The following MARCHF11 variants were observed in gnomAD, a reference collection of about 807,000 sequenced individuals.
The protein encoded by MARCHF11 is membrane associated ring-CH-type finger 11.
In MARCHF11, 29 loss-of-function variants were observed where a neutral mutation model predicts 37.3. That is an observed-to-expected ratio of 0.78 (90% CI 0.58 to 1.06). The LOEUF (loss-of-function observed/expected upper bound fraction) is 1.06. Ranked by LOEUF, MARCHF11 falls within the 50% of genes least tolerant of loss-of-function variation. The pLI, the probability that MARCHF11 is intolerant of heterozygous loss-of-function variation, is 0.00. For missense variants in MARCHF11, 482 were observed against 533.4 expected, an observed-to-expected ratio of 0.90 and a Z score of 0.95; for synonymous variants, 233 against 228.0, an observed-to-expected ratio of 1.02 and a Z score of -0.20.
At chr5:16,087,347 A>T (rs1736716333) in intron 3 of MARCHF11, among the ~76,000 whole-genome samples, 1 of 152,170 alleles carries the variant, frequency 6.6e-6, no homozygotes, top group African/African-American at 2.4e-5. Flanking sequence ...TCTCAAACTC[A>T]TTTTCACTTT....
chr5:16,148,024 C>T (rs1737827002), intron 2 of MARCHF11, among the ~76,000 whole-genome samples: 1 of 152,106 alleles, frequency 6.6e-6, no homozygotes, highest in Non-Finnish European at 1.5e-5. Flanking sequence ...GACACCAACA[C>T]ATCATGGGGG....
At chr5:16,083,652 A>C (rs112878150) in intron 3 of MARCHF11, among the ~76,000 whole-genome samples, 5,603 of 152,274 alleles carry the variant, frequency 0.037, 320 homozygotes, top group African/African-American at 0.12. Context: ...TTAACCTAAA[A>C]TAATTTAAGA....
At chr5:16,076,187 T>C (rs1321245388) in intron 3 of MARCHF11, among the ~76,000 whole-genome samples, 1 of 152,228 alleles carries the variant, frequency 6.6e-6, no homozygotes, top group Non-Finnish European at 1.5e-5. Context: ...TCCTGATCTT[T>C]TAATTAGTAA....
At chr5:16,110,145 GA>G (rs1284502458) in intron 2 of MARCHF11, among the ~76,000 whole-genome samples, 4 of 152,148 alleles carry the variant, frequency 2.6e-5, no homozygotes, top group African/African-American at 9.7e-5. Context: ...ACATACAAGT[GA>G]AGTCTCATTT....
chr5:16,072,735 G>C (rs1255110831), intron 3 of MARCHF11, among the ~76,000 whole-genome samples: 1 of 152,080 alleles, frequency 6.6e-6, no homozygotes, highest in Non-Finnish European at 1.5e-5. Context: ...ACTCCTTTGT[G>C]GTTTCATCAG....
At position 16,071,835 on chromosome 5, in the gene MARCHF11, G is replaced by C. The variant is rs79814816; in HGVS notation, c.887-4042C>G. On this transcript the variant is annotated intron_variant, in intron 3 of 3. Coordinates refer to ENST00000332432, the MANE Select transcript of MARCHF11 (RefSeq NM_001102562.3). ...GTTTGGTTGTTTTTCTGATTCATAA[G>C]ATAAATTTGTATCAAGAACCTATTC... 2.6e-3 allele frequency among the ~76,000 whole-genome samples: 403 copies of C among 152,256 alleles called. 1 individual carries two copies. The highest frequency in any genetic ancestry group is 9.2e-3 in the African/African-American group (383 of 41,558).
chr5:16,096,159 AAAC>A (rs1460552581), intron 2 of MARCHF11, among the ~76,000 whole-genome samples: 1 of 152,202 alleles, frequency 6.6e-6, no homozygotes, highest in Non-Finnish European at 1.5e-5. Context: ...CTGAAAGGAA[AAAC>A]AACACGGGCT....
chr5:16,103,267 G>A (rs566520313), intron 2 of MARCHF11, among the ~76,000 whole-genome samples: 18 of 152,158 alleles, frequency 1.2e-4, no homozygotes, highest in Non-Finnish European at 2.2e-4. Context: ...TGACAGGATG[G>A]GTCAGAAGAG....
chr5:16,109,207 A>T (rs1042881499), intron 2 of MARCHF11, among the ~76,000 whole-genome samples: 1 of 152,038 alleles, frequency 6.6e-6, no homozygotes, highest in Non-Finnish European at 1.5e-5. Context: ...AAAGTGCTAA[A>T]TGTCTTCTGT....
chr5:16,106,406 T>C (rs1292553302), intron 2 of MARCHF11, among the ~76,000 whole-genome samples: 4 of 152,218 alleles, frequency 2.6e-5, no homozygotes, highest in African/African-American at 7.2e-5. Flanking sequence ...TTCTTTGACA[T>C]ATCTGCTTCC....
chr5:16,171,300 T>G (rs896598317), intron 2 of MARCHF11, among the ~76,000 whole-genome samples: 7 of 141,870 alleles, frequency 4.9e-5, no homozygotes, highest in African/African-American at 1.8e-4. Flanking sequence ...TTCTAAATAA[T>G]GTAAGTTTAT....
At chr5:16,097,351 A>G (rs1736888615) in intron 2 of MARCHF11, among the ~76,000 whole-genome samples, 1 of 152,220 alleles carries the variant, frequency 6.6e-6, no homozygotes, top group Admixed American at 6.5e-5. Context: ...TTTCTGCTAG[A>G]AAAGCATTTT....
chr5:16,093,790 T>C (rs1736822463), intron 2 of MARCHF11, among the ~76,000 whole-genome samples: 1 of 152,232 alleles, frequency 6.6e-6, no homozygotes, highest in Admixed American at 6.5e-5. Context: ...TTGATTACAG[T>C]ACACTGGGAA....
At chr5:16,107,821 C>A (rs1737069399) in intron 2 of MARCHF11, among the ~76,000 whole-genome samples, 1 of 150,618 alleles carries the variant, frequency 6.6e-6, no homozygotes, top group Admixed American at 6.6e-5. Context: ...AGTGTCTGAG[C>A]ACCTAGAGGA....
chr5:16,175,030 A>C (rs342546), intron 2 of MARCHF11, among the ~76,000 whole-genome samples: 1 of 152,050 alleles, frequency 6.6e-6, no homozygotes, highest in Non-Finnish European at 1.5e-5. Context: ...AGTGAAAAGC[A>C]GCAGCCACAT....
intron 2 of MARCHF11, among the ~76,000 whole-genome samples, chr5:16,177,472 A>T (rs34135303): frequency 0.043 from 6,575 of 152,314 alleles, 165 homozygotes; most frequent in Admixed American, 0.078. Flanking sequence ...TAGAAAAAAG[A>T]CTGGTATCAT....
chr5:16,107,965 A>C (rs925003146), intron 2 of MARCHF11, among the ~76,000 whole-genome samples: 1 of 151,334 alleles, frequency 6.6e-6, no homozygotes, highest in African/African-American at 2.4e-5. Flanking sequence ...ACTCAGTAAA[A>C]CCCCCACATA....
rs112626124 is a variant in MARCHF11, at chr5:16,095,767, G to C, written c.694-4686C>G. Among the ~76,000 whole-genome samples, 459 of 152,098 alleles carry C rather than the reference G, an allele frequency of 3.0e-3. 3 individuals are homozygous for C. The highest frequency in any genetic ancestry group is 0.01 in the African/African-American group (432 of 41,486). ...CTATTTATACTTCTGGGGAAAGCTGGCTTCCTTCCTTCACACTCAAATCCC... is the reference window on the plus strand; with the variant it reads ...CTATTTATACTTCTGGGGAAAGCTGCCTTCCTTCCTTCACACTCAAATCCC... On this transcript the variant is annotated intron_variant, in intron 2 of 3. Transcript: ENST00000332432.
chr5:16,129,655 G>A (rs961047551), intron 2 of MARCHF11, among the ~76,000 whole-genome samples: 7 of 152,056 alleles, frequency 4.6e-5, no homozygotes, highest in African/African-American at 1.7e-4. Flanking sequence ...TCTACATTGA[G>A]TTTTAGCAAC....
Sources: allele counts gnomAD v4.1 joint callset (sites outside exome capture counted in the v4.1 genomes callset), GRCh38; gene constraint gnomAD v4.1.1; transcripts MANE v1.5; gene names NCBI Gene and HGNC (gene_info 2026-07-23, HGNC 2026-07-21).